SGCD: variants seen among roughly 807,000 people sequenced by gnomAD.
The protein encoded by SGCD is delta-sarcoglycan.
In SGCD, 18 loss-of-function variants were observed where a neutral mutation model predicts 36.6. The ratio of observed to expected loss-of-function variants is 0.49; its 90% CI spans 0.34 to 0.73. SGCD has a LOEUF of 0.73. Among genes scored for constraint, SGCD ranks in the 30% least tolerant of loss-of-function variants. SGCD has a pLI of 0.01. For missense variants in SGCD, 387 were observed against 346.7 expected, an observed-to-expected ratio of 1.12 and a Z score of -0.92; for synonymous variants, 133 against 130.6, an observed-to-expected ratio of 1.02 and a Z score of -0.12.
At chr5:156,169,412 C>G (rs1188602259) in intron 3 of SGCD, among the ~76,000 whole-genome samples, 1 of 152,162 alleles carries the variant, frequency 6.6e-6, no homozygotes, top group Non-Finnish European at 1.5e-5. Flanking sequence ...GTTTGACCTT[C>G]TGCAGATCAC....
chr5:156,171,623 C>G (rs1259971643), intron 3 of SGCD, among the ~76,000 whole-genome samples: 1 of 152,110 alleles, frequency 6.6e-6, no homozygotes, highest in Admixed American at 6.5e-5. Flanking sequence ...ATGTAACATG[C>G]TTATGTAAGA....
At chr5:156,452,993 T>C (rs1473558318) in intron 3 of SGCD, among the ~76,000 whole-genome samples, 1 of 152,172 alleles carries the variant, frequency 6.6e-6, no homozygotes. Context: ...ATAGTTTTAC[T>C]CAATGATTAT....
intron 4 of SGCD, among the ~76,000 whole-genome samples, chr5:156,569,806 G>A (rs1351071117): frequency 6.6e-6 from 1 of 152,110 alleles, no homozygotes; most frequent in African/African-American, 2.4e-5. Context: ...ACAAATTCCT[G>A]TAGGCAGGAA....
chr5:156,719,403 C>T (rs530473297), intron 7 of SGCD, among the ~76,000 whole-genome samples: 60 of 150,562 alleles, frequency 4.0e-4, no homozygotes, highest in Non-Finnish European at 6.4e-4. Flanking sequence ...TGTATATATA[C>T]ACACACACAC....
At chr5:156,088,117 TA>T (rs1761147773) in intron 1 of SGCD, among the ~76,000 whole-genome samples, 1 of 152,078 alleles carries the variant, frequency 6.6e-6, no homozygotes. Flanking sequence ...ATGACTCGAG[TA>T]TCTGGCCATG....
At chr5:155,826,298 CAGT>C in the SGCD span, among the ~76,000 whole-genome samples, 1 of 152,218 alleles carries the variant, frequency 6.6e-6, no homozygotes, top group African/African-American at 2.4e-5. Flanking sequence ...ATTTTCTACT[CAGT>C]AGCCAGAGTT....
chr5:156,753,295 C>T (rs1757217951), intron 7 of SGCD, among the ~76,000 whole-genome samples: 1 of 152,210 alleles, frequency 6.6e-6, no homozygotes, highest in Non-Finnish European at 1.5e-5. Context: ...CAGTGAGGCT[C>T]TTCTTTCTCC....
intron 3 of SGCD, among the ~76,000 whole-genome samples, chr5:156,403,833 ATT>A (rs537921518): frequency 1.4e-4 from 16 of 114,884 alleles, no homozygotes; most frequent in African/African-American, 5.9e-4. Flanking sequence ...TCCCTGACAT[ATT>A]TTTTTTTCTT....
chr5:156,579,672 T>C (rs192594412), intron 4 of SGCD, among the ~76,000 whole-genome samples: 6 of 152,364 alleles, frequency 3.9e-5, no homozygotes, highest in African/African-American at 1.2e-4. Flanking sequence ...TGTAATGACC[T>C]TCTTTGTCTC....
At chr5:156,498,275 A>C (rs541576081) in intron 3 of SGCD, among the ~76,000 whole-genome samples, 10 of 152,118 alleles carry the variant, frequency 6.6e-5, no homozygotes, top group African/African-American at 2.4e-4. Context: ...AAAAAAAAAA[A>C]AAACACCTCG....
At chr5:155,918,307 A>G (rs186358714) in intron 1 of SGCD, among the ~76,000 whole-genome samples, 20 of 152,350 alleles carry the variant, frequency 1.3e-4, no homozygotes, top group Middle Eastern at 3.4e-3. Flanking sequence ...TCACGCCTGT[A>G]ATCCCAGCAC....
intron 5 of SGCD, among the ~76,000 whole-genome samples, chr5:156,593,991 G>C (rs189085675): frequency 6.6e-5 from 10 of 152,158 alleles, no homozygotes; most frequent in African/African-American, 2.4e-4. Context: ...GCTAGGTTCA[G>C]TGAGAATGAT....
At chr5:155,758,005 T>C in the SGCD span, among the ~76,000 whole-genome samples, 1 of 152,284 alleles carries the variant, frequency 6.6e-6, no homozygotes, top group Middle Eastern at 3.4e-3. Flanking sequence ...TCTGCCATTA[T>C]TGTGAGGCTT....
intron 3 of SGCD, among the ~76,000 whole-genome samples, chr5:156,178,677 G>A (rs1561552048): frequency 6.6e-6 from 1 of 152,124 alleles, no homozygotes. Context: ...CTGGGTTCAA[G>A]CAATTCTCCT....
chr5:156,325,013 A>G (rs867737646), upstream of SGCD, among the ~76,000 whole-genome samples: 2 of 152,164 alleles, frequency 1.3e-5, no homozygotes, highest in South Asian at 2.1e-4. Context: ...TTATAGAATG[A>G]TAATTTTGAG....
intron 6 of SGCD, among the ~76,000 whole-genome samples, chr5:156,616,271 A>G (rs1386939444): frequency 1.3e-5 from 2 of 152,156 alleles, no homozygotes; most frequent in Non-Finnish European, 2.9e-5. Context: ...CCATCCTTGA[A>G]CTAGTTAGTC....
intron 1 of SGCD, among the ~76,000 whole-genome samples, chr5:156,046,638 T>C (rs1375162746): frequency 6.6e-6 from 1 of 152,158 alleles, no homozygotes; most frequent in Non-Finnish European, 1.5e-5. Context: ...ACCCTGCCAA[T>C]ATAAGACGGT....
intron 3 of SGCD, among the ~76,000 whole-genome samples, chr5:156,203,559 T>C (rs1316824185): frequency 6.6e-6 from 1 of 152,172 alleles, no homozygotes; most frequent in Non-Finnish European, 1.5e-5. Context: ...CCACATTTAC[T>C]GAACTGTATT....
intron 1 of SGCD, among the ~76,000 whole-genome samples, chr5:156,001,074 G>A (rs140830130): frequency 6.6e-6 from 1 of 152,150 alleles, no homozygotes; most frequent in African/African-American, 2.4e-5. Flanking sequence ...GAATAGGGAG[G>A]GACTTTGTGG....
Sources: gnomAD v4.1 joint callset for allele counts (sites outside exome capture counted in the v4.1 genomes callset) on GRCh38, gnomAD v4.1.1 for gene constraint, MANE v1.5 for transcripts, NCBI Gene and HGNC (gene_info 2026-07-23, HGNC 2026-07-21) for gene names.